Variants in MGAM observed in about 807,000 individuals in gnomAD.
MGAM encodes the protein maltase-glucoamylase.
Under a neutral mutation model 358.8 loss-of-function variants are expected in MGAM, and 253 were observed. The observed-to-expected ratio is 0.71, with a 90% CI of 0.64 to 0.78. The LOEUF (loss-of-function observed/expected upper bound fraction) is 0.78, where lower values mean the gene tolerates loss of function less well. MGAM is among the 30% of genes least tolerant of loss of function. The pLI, the probability that MGAM is intolerant of heterozygous loss-of-function variation, is 0.00. For synonymous variants in MGAM, 1,105 were observed against 1,227.1 expected (o/e 0.90, Z 2.08); for missense variants, 3,080 against 3,432.6 (o/e 0.90, Z 2.57).
Position 142,086,345 on chromosome 7 carries a change from T to C in MGAM, c.6747+17T>C, listed in dbSNP as rs1360180714. The C allele has an allele frequency of 3.3e-6, 5 of 1,495,586 alleles. No homozygotes were observed. In the African/African-American group the frequency reaches 4.1e-5, roughly 12 times the overall value. 92.6% of individuals were successfully genotyped at this position (1,495,586 alleles called of 1,614,324 possible). On this transcript the variant is annotated intron_variant, in intron 56 of 70. Transcript: ENST00000475668. ...TGGGGAAAGGTATAATCCTAAGCGA[T>C]GATCCAGTAGTCCCTAGCCTGAGGG...
intron 54 of MGAM, among the ~76,000 whole-genome samples, chr7:142,085,229 C>T (rs1262192775): frequency 6.8e-6 from 1 of 146,458 alleles, no homozygotes; most frequent in African/African-American, 2.4e-5. Context: ...AATGTACCAT[C>T]GCATATCTAA....
At position 142,036,949 on chromosome 7, in the gene MGAM, G is replaced by A. The variant is rs782061861; in HGVS notation, c.2203G>A (p.Asp735Asn). Residue 735 changes from aspartate (D) to asparagine (N), a missense_variant, in exon 18 of 71, where the codon GAC (aspartate) becomes AAC (asparagine). This residue lies in a region of MGAM where 1,816 missense variants were observed against 1,840.5 expected (regional missense o/e 0.99). Coordinates refer to ENST00000475668, the MANE Select transcript of MGAM (RefSeq NM_001365693.1). ...TLFFRAHSRG[D>N]TVARPLLHEF... ...CTTCTTCCGTGCTCACAGCCGAGGG[G>A]ACACGGTGGCCAGGCCCCTTTTGCA... The A allele has an allele frequency of 3.3e-5, 54 of 1,613,450 alleles. No individual in the cohort carries two copies. The highest frequency in any genetic ancestry group is 4.5e-5 in the Non-Finnish European group (53 of 1,179,632).
intron 2 of MGAM, among the ~76,000 whole-genome samples, chr7:141,989,650 G>A (rs1204656666): frequency 2.6e-5 from 4 of 151,748 alleles, no homozygotes; most frequent in Non-Finnish European, 4.4e-5. Context: ...CAAACTCCTG[G>A]GCTCAAGTGA....
intron 22 of MGAM, 144 bp downstream of exon 22, chr7:142,048,017 A>C: frequency 1.5e-6 from 1 of 689,648 alleles, no homozygotes; most frequent in East Asian, 2.7e-5. Context: ...TTCTGGTTGC[A>C]CCATTCAGAG....
rs1351112865 is a variant in MGAM, at chr7:142,034,158, C to T, written c.1670-104C>T. On this transcript the variant is annotated intron_variant, in intron 14 of 70. Transcript: ENST00000475668. ...GCAGTGTGACTGTTTACAGGATGCC[C>T]ACAAAAGTGCCTGCCCAGGGGGCTG... The T allele has an allele frequency of 5.4e-6, 4 of 742,524 alleles. No homozygotes were observed. In the Admixed American group the frequency reaches 7.0e-5, roughly 13 times the overall value. 46.0% of individuals were successfully genotyped at this position (742,524 alleles called of 1,614,324 possible).
intron 49 of MGAM, among the ~76,000 whole-genome samples, chr7:142,079,479 A>T (rs1003022822): frequency 2.1e-5 from 3 of 145,964 alleles, no homozygotes; most frequent in African/African-American, 7.3e-5. Context: ...CAGAATGGGA[A>T]TACTGAAAAG....
In MGAM at chr7:142,088,964, CTATG is replaced by C. The variant is rs57009731; in HGVS notation, c.6810+2279_6810+2282del. Reference sequence around the variant, plus strand: ...CTACCTATTTATATATCATCTATCTCTATGTATGTATGTATGTATGTATGTATGT... The same window carrying C: ...CTACCTATTTATATATCATCTATCTCTATGTATGTATGTATGTATGTATGT... On this transcript the variant is annotated intron_variant, in intron 57 of 70. Coordinates refer to ENST00000475668, the MANE Select transcript of MGAM (RefSeq NM_001365693.1). Among the ~76,000 whole-genome samples, 1,138 of 116,768 alleles carry C rather than the reference CTATG, an allele frequency of 9.7e-3. 126 individuals are homozygous for C. The East Asian group carries it at 0.098, about 10-fold the overall frequency. The allele number at this position is 116,768 out of a possible 152,430, so 76.6% of individuals were successfully genotyped here. A position where few individuals can be genotyped will look rare whatever the true frequency, so the allele number is the denominator to read the frequency against.
chr7:142,044,287 CATATA>C lies in MGAM; in HGVS notation c.2498+3447_2498+3451del, dbSNP rs1411180844. Among the ~76,000 whole-genome samples, 270 of 84,406 alleles carry C rather than the reference CATATA, an allele frequency of 3.2e-3. 16 individuals carry two copies. The highest frequency in any genetic ancestry group is 8.0e-3 in the African/African-American group (250 of 31,066). 55.4% of individuals were successfully genotyped at this position (84,406 alleles called of 152,430 possible). The stretch of plus-strand genomic sequence containing the variant: ...ATATATACATTATATACACATACGA[CATATA>C]ATATATACTATATATAATATACACA... On this transcript the variant is annotated intron_variant, in intron 21 of 70. Coordinates refer to ENST00000475668, the MANE Select transcript of MGAM (RefSeq NM_001365693.1).
At chr7:142,073,893 G>C (rs1318765083) in intron 44 of MGAM, among the ~76,000 whole-genome samples, 192 bp from the exon 45 acceptor site, 1 of 146,224 alleles carries the variant, frequency 6.8e-6, no homozygotes, top group Admixed American at 6.9e-5. Flanking sequence ...AATGTTTGGG[G>C]TGTTTCTATC....
At chr7:142,080,472 T>C (rs1230507237) in intron 49 of MGAM, among the ~76,000 whole-genome samples, 1 of 146,340 alleles carries the variant, frequency 6.8e-6, no homozygotes, top group Admixed American at 6.9e-5. Flanking sequence ...AAGGTATTTA[T>C]ATATTCTCAT....
chr7:142,077,979 G>A (rs1402841824), intron 47 of MGAM, among the ~76,000 whole-genome samples: 1 of 145,348 alleles, frequency 6.9e-6, no homozygotes, highest in African/African-American at 2.4e-5. Context: ...AAGAGGAAGT[G>A]CAGAAGACAC....
At position 142,052,380 on chromosome 7, in the gene MGAM, A is replaced by T. The variant is rs1240820707; in HGVS notation, c.2892A>T (p.Ile964=). The change falls in exon 25 of 71, where the codon ATA becomes ATT. Residue 964 remains isoleucine, a synonymous_variant. Coordinates refer to ENST00000475668, the MANE Select transcript of MGAM (RefSeq NM_001365693.1). ...TAAAGATAAGGGATGAAGAAAAAAT[A>T]GACTGTTACCCTGATGAGAATGGTG... ...WSIKIRDEEK[I]DCYPDENGAS... is the part of the protein sequence containing the mutation. 1.2e-6 allele frequency: 2 copies of T among 1,612,928 alleles called. No individual in the cohort carries two copies. The highest frequency in any genetic ancestry group is 4.5e-5 in the East Asian group (2 of 44,818).
chr7:142,044,191 T>C lies in MGAM; in HGVS notation c.2498+3345T>C, dbSNP rs1443599717. ...ATACATTATATACACATACGACATA[T>C]AATATATAATATATACATTATATAC... On this transcript the variant is annotated intron_variant, in intron 21 of 70. Coordinates refer to ENST00000475668, the MANE Select transcript of MGAM (RefSeq NM_001365693.1). Among the ~76,000 whole-genome samples, 3 of 136,014 alleles carry C rather than the reference T, an allele frequency of 2.2e-5. 1 individual carries two copies. Among genetic ancestry groups the C allele is most frequent in the Non-Finnish European group, 4.8e-5 (3 of 63,084 alleles). The allele number at this position is 136,014 out of a possible 152,430, so 89.2% of individuals were successfully genotyped here.
intron 66 of MGAM, among the ~76,000 whole-genome samples, chr7:142,098,049 T>C (rs1816100931): frequency 1.3e-5 from 2 of 151,742 alleles, no homozygotes; most frequent in Non-Finnish European, 2.9e-5. Flanking sequence ...CCTTTTTGTC[T>C]CTGTCTTTTT....
Position 142,087,181 on chromosome 7 carries a change from C to T in MGAM, c.6810+464C>T, listed in dbSNP as rs183529190. On this transcript the variant is annotated intron_variant, in intron 57 of 70. Coordinates refer to ENST00000475668, the MANE Select transcript of MGAM (RefSeq NM_001365693.1). ...TGTATCTTTTTTTTTTCCATGAACA[C>T]GTTTCTCCCTTTCCACACTTATAAT... Among the ~76,000 whole-genome samples the T allele has an allele frequency of 1.0e-4, 15 of 144,358 alleles. 1 individual carries two copies. Among genetic ancestry groups the T allele is most frequent in the Admixed American group, 4.9e-4 (7 of 14,278 alleles). The allele number at this position is 144,358 out of a possible 152,430, so 94.7% of individuals were successfully genotyped here.
At position 142,078,474 on chromosome 7, in the gene MGAM, A is replaced by G; in HGVS notation, c.5646+4A>G. Reference sequence around the variant, plus strand: ...TGCCCGTGGCTGTATCTGGGAGGTAACCATGCTGATGGGGTTCATGTGCAT... The same window carrying G: ...TGCCCGTGGCTGTATCTGGGAGGTAGCCATGCTGATGGGGTTCATGTGCAT... On this transcript the variant is annotated splice_donor_region_variant and intron_variant, in intron 48 of 70. Coordinates refer to ENST00000475668, the MANE Select transcript of MGAM (RefSeq NM_001365693.1). The G allele has an allele frequency of 6.5e-7, 1 of 1,540,600 alleles. No individual in the cohort carries two copies. Among genetic ancestry groups the G allele is most frequent in the East Asian group, 2.3e-5 (1 of 43,634 alleles).
At position 142,054,620 on chromosome 7, in the gene MGAM, A is replaced by T. The variant is rs528495600; in HGVS notation, c.3160-134A>T. 206 of 1,028,464 alleles carry T rather than the reference A, an allele frequency of 2.0e-4. 1 individual carries two copies. Among genetic ancestry groups the T allele is most frequent in the Middle Eastern group, 2.0e-3 (9 of 4,610 alleles). 63.7% of individuals were successfully genotyped at this position (1,028,464 alleles called of 1,614,324 possible). A position where few individuals can be genotyped will look rare whatever the true frequency, so the allele number is the denominator to read the frequency against. On this transcript the variant is annotated intron_variant, in intron 26 of 70. Transcript: ENST00000475668. ...TGTGACATTGTTATCTGATATATTA[A>T]TTAAATCTCAGATATCATAAAGAAG...
At chr7:142,094,284 A>G (rs1563220703) in intron 60 of MGAM, 80 bp from the exon 61 acceptor site, 2 of 1,444,588 alleles carry the variant, frequency 1.4e-6, no homozygotes, top group Non-Finnish European at 1.9e-6. Flanking sequence ...GACTAGGCTC[A>G]AGGGCTCTGG....
intron 48 of MGAM, 110 bp downstream of exon 48, chr7:142,078,580 T>C: frequency 1.7e-6 from 2 of 1,188,032 alleles, no homozygotes; most frequent in Non-Finnish European, 2.3e-6. Flanking sequence ...TAGAAAGGAC[T>C]TCCTAAGGGA....
Sources: allele counts gnomAD v4.1 joint callset (sites outside exome capture counted in the v4.1 genomes callset), GRCh38; gene constraint gnomAD v4.1.1; regional missense constraint gnomAD v4.1.1; transcripts MANE v1.5; gene names NCBI Gene and HGNC (gene_info 2026-07-23, HGNC 2026-07-21).